The following STAP2 variants were observed in gnomAD, a reference collection of about 807,000 sequenced individuals.
The protein encoded by STAP2 is signal transducing adaptor family member 2, also known as signal-transducing adaptor protein 2.
STAP2 carries 58 observed loss-of-function variants against 52.7 expected under a neutral mutation model. That is an observed-to-expected ratio of 1.10 (90% CI 0.89 to 1.37). The LOEUF (loss-of-function observed/expected upper bound fraction) is 1.37, where lower values mean the gene tolerates loss of function less well. STAP2 is among the 40% of genes most tolerant of loss of function. STAP2 has a pLI of 0.00. For missense variants in STAP2, 522 were observed against 519.4 expected, an observed-to-expected ratio of 1.00 and a Z score of -0.05; for synonymous variants, 231 against 210.5, an observed-to-expected ratio of 1.10 and a Z score of -0.84.
Position 4,325,620 on chromosome 19 carries a change from G to A in STAP2, c.830-75C>T, listed in dbSNP as rs2144778895. 2.7e-6 allele frequency: 4 copies of A among 1,476,294 alleles called. No individual in the cohort carries two copies. The East Asian group carries it at 6.8e-5, about 25-fold the overall frequency. The allele number at this position is 1,476,294 out of a possible 1,614,324, so 91.4% of individuals were successfully genotyped here. Reference sequence around the variant, plus strand: ...CTTGCAGGTTGGCGGGGGGGTCTGTGTGCATGCCTGGAGACAGGCATGTGT... The same window carrying A: ...CTTGCAGGTTGGCGGGGGGGTCTGTATGCATGCCTGGAGACAGGCATGTGT... On this transcript the variant is annotated intron_variant, in intron 9 of 12. Coordinates refer to ENST00000594605, the MANE Select transcript of STAP2 (RefSeq NM_001013841.2).
At chr19:4,333,555 G>A in intron 3 of STAP2, 139 bp downstream of exon 3, 1 of 1,142,744 alleles carries the variant, frequency 8.8e-7, no homozygotes, top group Non-Finnish European at 1.2e-6. Flanking sequence ...GCTCCTTTGG[G>A]GTCAAGACCC....
At chr19:4,330,179 A>G in intron 4 of STAP2, 118 bp from the exon 5 acceptor site, 1 of 716,298 alleles carries the variant, frequency 1.4e-6, no homozygotes, top group South Asian at 1.6e-5. Flanking sequence ...CTGACACCTT[A>G]GAGGGCAAAG....
intron 5 of STAP2, among the ~76,000 whole-genome samples, chr19:4,329,247 G>A (rs977399410): frequency 6.6e-6 from 1 of 151,794 alleles, no homozygotes; most frequent in African/African-American, 2.4e-5. Context: ...TTACAGGCGT[G>A]AGCCACTGCA....
Position 4,333,814 on chromosome 19 carries a change from G to A in STAP2, c.177C>T (p.His59=), listed in dbSNP as rs760887690. The A allele has an allele frequency of 1.6e-5, 26 of 1,613,744 alleles. No individual in the cohort carries two copies. The highest frequency in any genetic ancestry group is 2.0e-5 in the Non-Finnish European group (24 of 1,179,984). The change falls in exon 3 of 13, where the codon CAC becomes CAT. Residue 59 remains histidine, a splice_region_variant and synonymous_variant. Coordinates refer to ENST00000594605, the MANE Select transcript of STAP2 (RefSeq NM_001013841.2). ...ATGCTCCCAAGTTGAGCTTCTCCAC[G>A]TGCTGGGGGCATAGAAGCAGGGGAT... ...YFYNSNRDFQ[H]VEKLNLGAFE...
chr19:4,334,964 A>AC (rs1971957378), intron 1 of STAP2, among the ~76,000 whole-genome samples: 1 of 134,330 alleles, frequency 7.4e-6, no homozygotes, highest in Non-Finnish European at 1.6e-5. Context: ...TCATCCATCC[A>AC]CCCACTCATC....
rs1971962214 is a variant in STAP2 at position 4,335,174 on chromosome 19, CCATCCATCCCT to C, written c.103-1141_103-1131del. 2.0e-5 allele frequency among the ~76,000 whole-genome samples: 3 copies of C among 150,976 alleles called. No homozygotes were observed. In the South Asian group the frequency reaches 6.3e-4, roughly 32 times the overall value. On this transcript the variant is annotated intron_variant, in intron 1 of 12. Coordinates refer to ENST00000594605, the MANE Select transcript of STAP2 (RefSeq NM_001013841.2). Reference sequence around the variant, plus strand: ...CTCCATCATCCATCCACCTACTCATCCATCCATCCCTCATCCATCCATCATCCATCCATCCA... The same window carrying C: ...CTCCATCATCCATCCACCTACTCATCCATCCATCCATCATCCATCCATCCA...
intron 12 of STAP2, 34 bp from the exon 13 acceptor site, chr19:4,324,231 C>T: frequency 6.5e-7 from 1 of 1,547,018 alleles, no homozygotes; most frequent in Non-Finnish European, 8.7e-7. Flanking sequence ...GCAGCTGGCT[C>T]AGGGATCCCC....
intron 5 of STAP2, 177 bp from the exon 6 acceptor site, chr19:4,328,986 C>A: frequency 1.2e-6 from 1 of 848,750 alleles, no homozygotes; most frequent in South Asian, 2.0e-5. Context: ...TTCCAGGCTC[C>A]TAGTTTTTGT....
intron 9 of STAP2, among the ~76,000 whole-genome samples, chr19:4,326,081 G>A (rs564361825): frequency 6.6e-6 from 1 of 152,298 alleles, no homozygotes; most frequent in African/African-American, 2.4e-5. Context: ...GTGTGTGACT[G>A]CACGCCTGCT....
chr19:4,328,439 A>G (rs1971830664), intron 6 of STAP2, among the ~76,000 whole-genome samples: 1 of 57,772 alleles, frequency 1.7e-5, no homozygotes, highest in African/African-American at 1.1e-4. Context: ...TCCTCCCCCA[A>G]TCCGCCCAGC....
At chr19:4,327,571 G>A (rs998495439) in intron 6 of STAP2, among the ~76,000 whole-genome samples, 186 bp from the exon 7 acceptor site, 9 of 151,108 alleles carry the variant, frequency 6.0e-5, no homozygotes, top group African/African-American at 2.2e-4. Flanking sequence ...TTGACCTCCC[G>A]GAGCACTGAC....
In STAP2 at chr19:4,325,381, C is replaced by T. The variant is rs1482237645; in HGVS notation, c.979+15G>A. On this transcript the variant is annotated intron_variant, in intron 10 of 12. Transcript: ENST00000594605. ...CCCCAACCCCCAGCTCTCAGCAGCT[C>T]TGTTCCCCACCCACCATCTTGGTTC... 2 of 1,614,086 alleles carry T rather than the reference C, an allele frequency of 1.2e-6. No individual in the cohort carries two copies. Among genetic ancestry groups the T allele is most frequent in the Admixed American group, 1.7e-5 (1 of 60,034 alleles).
intron 11 of STAP2, chr19:4,324,916 C>T (rs1291263040): frequency 4.8e-5 from 20 of 416,676 alleles, no homozygotes; most frequent in East Asian, 3.9e-4. Context: ...GGGCGGATCA[C>T]GAGGTCAGGA....
intron 1 of STAP2, 104 bp from the exon 2 acceptor site, chr19:4,334,148 C>T: frequency 1.2e-6 from 1 of 855,330 alleles, no homozygotes; most frequent in Non-Finnish European, 1.8e-6. Flanking sequence ...TGCTCTCTGC[C>T]CCACGCTGCC....
rs140645177 is a variant in STAP2 at position 4,328,689 on chromosome 19, C to T, written c.576G>A (p.Arg192=). Residue 192 remains arginine (R), a synonymous_variant, in exon 6 of 13, where the codon CGG becomes CGA. Transcript: ENST00000594605. ...DGADGVSVTT[R]QMHNGTHVVR... ...CGCATGCGCACCCGTTGTGCATCTG[C>T]CGCGTGGTGACCGACACGCCGTCGG... is the stretch of plus-strand genomic sequence containing the variant. 1.7e-5 allele frequency: 27 copies of T among 1,601,304 alleles called. No homozygotes were observed. In the African/African-American group the frequency reaches 2.9e-4, roughly 17 times the overall value.
intron 3 of STAP2, 116 bp from the exon 4 acceptor site, chr19:4,332,194 TTC>T (rs1343148240): frequency 3.4e-4 from 159 of 468,494 alleles, no homozygotes; most frequent in Non-Finnish European, 4.1e-4. Context: ...TTTCTTTTTC[TTC>T]TTTTTTTTTT....
chr19:4,330,053 G>A lies in STAP2; in HGVS notation c.363C>T (p.Val121=), dbSNP rs1185686860. Residue 121 remains valine (V), a synonymous_variant, in exon 5 of 13, where the codon GTC becomes GTT. Coordinates refer to ENST00000594605, the MANE Select transcript of STAP2 (RefSeq NM_001013841.2). ...CAGGAAGCAGGGTCAAGTCGGTCGG[G>A]ACACGGAGCTGAGGGGCGATCGAGG... ...GFILTVVELR[V]PTDLTLLPGH... is the part of the protein sequence containing the mutation. 1 of 1,613,502 alleles carries A rather than the reference G, an allele frequency of 6.2e-7. No homozygotes were observed. The highest frequency in any genetic ancestry group is 1.1e-5 in the South Asian group (1 of 91,084).
At chr19:4,327,294 G>A in intron 7 of STAP2, 22 bp downstream of exon 7, 1 of 1,614,122 alleles carries the variant, frequency 6.2e-7, no homozygotes, top group Non-Finnish European at 8.5e-7. Context: ...GTCACTTCTA[G>A]GGACTCTGGC....
In STAP2 at chr19:4,325,208, A is replaced by T; in HGVS notation, c.1072+8T>A. 6.4e-7 allele frequency: 1 copy of T among 1,570,968 alleles called. No homozygotes were observed. Among genetic ancestry groups the T allele is most frequent in the Non-Finnish European group, 8.6e-7 (1 of 1,158,648 alleles). On this transcript the variant is annotated splice_region_variant and intron_variant, in intron 11 of 12. Transcript: ENST00000594605. ...CAGGTGAGGGTGGGATATGGGGGGG[A>T]CCCCAACCTGGCTTGGGTCCAACGG...
Sources: gnomAD v4.1 joint callset for allele counts (sites outside exome capture counted in the v4.1 genomes callset) on GRCh38, gnomAD v4.1.1 for gene constraint, MANE v1.5 for transcripts, NCBI Gene and HGNC (gene_info 2026-07-23, HGNC 2026-07-21) for gene names.